CAMTA1: variants seen among roughly 807,000 people sequenced by gnomAD.
CAMTA1 encodes calmodulin-binding transcription activator 1.
In CAMTA1, 27 loss-of-function variants were observed where a neutral mutation model predicts 170.9. The observed-to-expected ratio is 0.16, with a 90% CI of 0.12 to 0.22. The LOEUF is 0.22. CAMTA1 is among the 10% of genes least tolerant of loss of function. CAMTA1 has a pLI of 1.00. For missense variants in CAMTA1, 1,619 were observed against 2,217.2 expected (o/e 0.73, Z 5.42); for synonymous variants, 833 against 891.5 (o/e 0.93, Z 1.17).
Position 7,510,966 on chromosome 1 carries a change from C to T in CAMTA1, c.510+43065C>T, listed in dbSNP as rs77415647. The stretch of plus-strand genomic sequence containing the variant: ...CCTCCATCGCCCCACTCTAAAGCCA[C>T]CTTTTCCAGGGAGGCTCCTGGGAGC... On this transcript the variant is annotated intron_variant, in intron 6 of 22. Transcript: ENST00000303635. 5.9e-3 allele frequency among the ~76,000 whole-genome samples: 858 copies of T among 145,216 alleles called. 72 individuals carry two copies. The highest frequency in any genetic ancestry group is 0.02 in the African/African-American group (822 of 40,668).
intron 6 of CAMTA1, among the ~76,000 whole-genome samples, chr1:7,492,822 CACAA>C (rs144109978): frequency 3.0e-4 from 45 of 147,772 alleles, no homozygotes; most frequent in Middle Eastern, 3.6e-3. Context: ...CGCACAGACA[CACAA>C]ACATACAAAC....
rs368012455 is a variant in CAMTA1 at position 7,732,432 on chromosome 1, T to A, written c.2915-16T>A. ...TTCCAGAACACAACCTCACTCTTCC[T>A]CCTGCTCTGCCCTAGATAACCAGTT... On this transcript the variant is annotated splice_polypyrimidine_tract_variant and intron_variant, in intron 11 of 22. Coordinates refer to ENST00000303635, the MANE Select transcript of CAMTA1 (RefSeq NM_015215.4). The surrounding 1 kb of genome is among the most constrained non-coding windows in gnomAD (Gnocchi z 4.1). 7.4e-6 allele frequency: 12 copies of A among 1,611,236 alleles called. No individual in the cohort carries two copies. In the African/African-American group the frequency reaches 1.2e-4, roughly 16 times the overall value.
At chr1:7,383,279 A>G (rs845207) in intron 5 of CAMTA1, among the ~76,000 whole-genome samples, 105,310 of 152,082 alleles carry the variant, frequency 0.69, 36,979 homozygotes, top group Middle Eastern at 0.77. Context: ...AAAGCATTTT[A>G]TATTCCCTAA....
chr1:6,950,493 T>C (rs1378276193), intron 3 of CAMTA1, among the ~76,000 whole-genome samples: 1 of 152,158 alleles, frequency 6.6e-6, no homozygotes, highest in African/African-American at 2.4e-5. Flanking sequence ...AGCAGCCCCA[T>C]AGCTCAGTGG....
chr1:6,906,065 G>A (rs1164257406), intron 3 of CAMTA1, among the ~76,000 whole-genome samples: 1 of 152,164 alleles, frequency 6.6e-6, no homozygotes, highest in Non-Finnish European at 1.5e-5. Flanking sequence ...AGGATCGTGA[G>A]CCCTCCAAGT....
rs1703216103 is a variant in CAMTA1 at position 7,034,134 on chromosome 1, G to C, written c.235-57170G>C. Among the ~76,000 whole-genome samples the C allele has an allele frequency of 2.0e-5, 3 of 152,128 alleles. 1 individual carries two copies. The South Asian group carries it at 6.2e-4, about 32-fold the overall frequency. ...GAAACAGGCACTATTTCTGGTCCAA[G>C]TGTGAGTGACAGTGATTGTTGTTTT... is the stretch of plus-strand genomic sequence containing the variant. On this transcript the variant is annotated intron_variant, in intron 3 of 22. Transcript: ENST00000303635.
In CAMTA1 at chr1:7,635,776, TGAGCA is replaced by T. The variant is rs1219026092; in HGVS notation, c.511-4623_511-4619del. Among the ~76,000 whole-genome samples, 1 of 152,210 alleles carries T rather than the reference TGAGCA, an allele frequency of 6.6e-6. No individual in the cohort carries two copies. Among genetic ancestry groups the T allele is most frequent in the Non-Finnish European group, 1.5e-5 (1 of 68,034 alleles). On this transcript the variant is annotated intron_variant, in intron 6 of 22. Coordinates refer to ENST00000303635, the MANE Select transcript of CAMTA1 (RefSeq NM_015215.4). This position sits in a 1 kb window ranked among gnomAD's most constrained non-coding sequence, Gnocchi z 4.4. ...CTCAGCAAGGACTCTGACACCGTTA[TGAGCA>T]CTCCATGAAACTGATACATTAGGAC...
At chr1:7,306,968 A>G (rs1675689911) in intron 5 of CAMTA1, among the ~76,000 whole-genome samples, 1 of 152,006 alleles carries the variant, frequency 6.6e-6, no homozygotes, top group African/African-American at 2.4e-5. Flanking sequence ...ATGGGAGGGT[A>G]AGCATAGGTT....
Position 7,234,867 on chromosome 1 carries a change from A to G in CAMTA1, c.303-14624A>G, listed in dbSNP as rs993888484. Among the ~76,000 whole-genome samples, 1 of 150,354 alleles carries G rather than the reference A, an allele frequency of 6.7e-6. No homozygotes were observed. Among genetic ancestry groups the G allele is most frequent in the Admixed American group, 6.6e-5 (1 of 15,062 alleles). On this transcript the variant is annotated intron_variant, in intron 4 of 22. Transcript: ENST00000303635. This position sits in a 1 kb window ranked among gnomAD's most constrained non-coding sequence, Gnocchi z 5.0. ...GGTGGTGTGATCATAGCTCACTGCA[A>G]CCTCCACTTCCCAGGTTCAAGCGAT...
rs542820277 is a variant in CAMTA1 at position 7,083,620 on chromosome 1, C to T, written c.235-7684C>T. On this transcript the variant is annotated intron_variant, in intron 3 of 22. Coordinates refer to ENST00000303635, the MANE Select transcript of CAMTA1 (RefSeq NM_015215.4). ...CATGCACAGGTGCCCTGGAGAAAGC[C>T]GGTGGGGAAGATGCCACTGGGAGAG... Among the ~76,000 whole-genome samples the T allele has an allele frequency of 5.8e-4, 88 of 152,230 alleles. 1 individual carries two copies. The highest frequency in any genetic ancestry group is 4.1e-4 in the South Asian group (2 of 4,826).
intron 3 of CAMTA1, among the ~76,000 whole-genome samples, chr1:6,948,394 G>A (rs1005526911): frequency 6.6e-6 from 1 of 152,196 alleles, no homozygotes; most frequent in Non-Finnish European, 1.5e-5. Context: ...CTTCCCATAT[G>A]TACATGCGTA....
chr1:7,752,052 G>C (rs1018564311), intron 20 of CAMTA1, among the ~76,000 whole-genome samples: 6 of 152,150 alleles, frequency 3.9e-5, no homozygotes, highest in Non-Finnish European at 8.8e-5. Flanking sequence ...AAAATATATT[G>C]ATCAGTACAT....
At chr1:7,659,593 C>G (rs17031274) in intron 7 of CAMTA1, among the ~76,000 whole-genome samples, 38,758 of 152,000 alleles carry the variant, frequency 0.25, 5,042 homozygotes, top group Middle Eastern at 0.36. Context: ...GAGCTCTACA[C>G]CCAGGAACAG....
intron 11 of CAMTA1, among the ~76,000 whole-genome samples, chr1:7,690,011 T>C (rs2096293029): frequency 6.6e-6 from 1 of 151,822 alleles, no homozygotes; most frequent in Non-Finnish European, 1.5e-5. Context: ...TACAAAAAAT[T>C]AGCCAGGCGT....
chr1:7,294,898 C>G (rs1405852697), intron 5 of CAMTA1, among the ~76,000 whole-genome samples: 2 of 152,180 alleles, frequency 1.3e-5, no homozygotes, highest in Non-Finnish European at 2.9e-5. Context: ...CCCTGGTCCT[C>G]TCGCATCTGC....
chr1:6,940,810 C>T (rs900023273), intron 3 of CAMTA1, among the ~76,000 whole-genome samples: 26 of 139,022 alleles, frequency 1.9e-4, no homozygotes, highest in South Asian at 5.0e-4. Flanking sequence ...CCTTCCTCAC[C>T]GACACCCACC....
At chr1:6,926,006 C>T (rs1428526359) in intron 3 of CAMTA1, among the ~76,000 whole-genome samples, 2 of 152,218 alleles carry the variant, frequency 1.3e-5, no homozygotes, top group Non-Finnish European at 2.9e-5. Context: ...AAGTCACAGC[C>T]ACCACTACTG....
At chr1:7,098,371 G>A (rs531012672) in intron 4 of CAMTA1, among the ~76,000 whole-genome samples, 27 of 152,386 alleles carry the variant, frequency 1.8e-4, no homozygotes, top group Middle Eastern at 3.4e-3. Flanking sequence ...TTTTTGTAAT[G>A]TATCACAAAT....
chr1:6,900,181 G>T (rs889114752), intron 3 of CAMTA1, among the ~76,000 whole-genome samples: 1 of 152,184 alleles, frequency 6.6e-6, no homozygotes, highest in Non-Finnish European at 1.5e-5. Context: ...TCATTGCTTG[G>T]TACATTGGTA....
Sources: allele counts gnomAD v4.1 joint callset (sites outside exome capture counted in the v4.1 genomes callset), GRCh38; gene constraint gnomAD v4.1.1; non-coding constraint Gnocchi (gnomAD v3.1); transcripts MANE v1.5; gene names NCBI Gene and HGNC (gene_info 2026-07-23, HGNC 2026-07-21).